CYFIP1: variants seen among roughly 807,000 people sequenced by gnomAD.
CYFIP1 encodes cytoplasmic FMR1 interacting protein 1.
A neutral mutation model predicts 163.5 loss-of-function variants in CYFIP1; 58 were observed. That is an observed-to-expected ratio of 0.35 (90% CI 0.29 to 0.44). The LOEUF (loss-of-function observed/expected upper bound fraction) is 0.44. Ranked by LOEUF, CYFIP1 falls within the 20% of genes least tolerant of loss-of-function variation. CYFIP1 has a pLI of 1.00. For synonymous variants in CYFIP1, 663 were observed against 660.7 expected, an observed-to-expected ratio of 1.00 and a Z score of -0.05; for missense variants, 1,338 against 1,653.8, an observed-to-expected ratio of 0.81 and a Z score of 3.31.
Position 22,945,095 on chromosome 15 carries a change from T to G in CYFIP1, c.208-156A>C, listed in dbSNP as rs74003068. On this transcript the variant is annotated intron_variant, in intron 3 of 30. Transcript: ENST00000617928. ...CTGCCAGAAGCTAGTGACACTGAGG[T>G]GCGGCGCTGGGGGCCACAATGACCA... Among the ~76,000 whole-genome samples the G allele has an allele frequency of 5.2e-3, 786 of 152,128 alleles. 9 individuals carry two copies. Among genetic ancestry groups the G allele is most frequent in the African/African-American group, 0.018 (732 of 41,496 alleles).
chr15:22,920,159 CTTTTTTT>C (rs71117470), intron 13 of CYFIP1, among the ~76,000 whole-genome samples: 5 of 75,520 alleles, frequency 6.6e-5, no homozygotes, highest in African/African-American at 1.1e-4. Flanking sequence ...ATTAAGGCAG[CTTTTTTT>C]TTTTTTTTTT....
In CYFIP1 at chr15:22,924,008, T is replaced by C. The variant is rs372426928; in HGVS notation, c.1359+1974A>G. 7.0e-5 allele frequency among the ~76,000 whole-genome samples: 10 copies of C among 142,400 alleles called. No individual in the cohort carries two copies. The East Asian group carries it at 1.2e-3, about 17-fold the overall frequency. The allele number at this position is 142,400 out of a possible 152,430, so 93.4% of individuals were successfully genotyped here. On this transcript the variant is annotated intron_variant, in intron 13 of 30. Coordinates refer to ENST00000617928, the MANE Select transcript of CYFIP1 (RefSeq NM_014608.6). ...CAGCAACTTCATAGTAGTGAAAAGG[T>C]AGAAATAACCCAAATGTCTATCATC...
At position 22,931,062 on chromosome 15, in the gene CYFIP1, C is replaced by CA. The variant is rs200798596; in HGVS notation, c.1110+1160dup. Among the ~76,000 whole-genome samples, 112 of 152,192 alleles carry CA rather than the reference C, an allele frequency of 7.4e-4. 1 individual carries two copies. In the East Asian group the frequency reaches 0.021, roughly 28 times the overall value. ...CAACATACCTGGACTACTGGGTTGT[C>CA]AGTCAGTTTGGTTACATGATGATGA... On this transcript the variant is annotated intron_variant, in intron 11 of 30. Coordinates refer to ENST00000617928, the MANE Select transcript of CYFIP1 (RefSeq NM_014608.6).
Position 22,875,284 on chromosome 15 carries a change from AAGAG to A in CYFIP1, c.3043-17_3043-14del, listed in dbSNP as rs762234267. The A allele has an allele frequency of 3.3e-5, 54 of 1,613,062 alleles. 1 individual carries two copies. The highest frequency in any genetic ancestry group is 1.6e-4 in the Middle Eastern group (1 of 6,082). On this transcript the variant is annotated splice_polypyrimidine_tract_variant and intron_variant, in intron 26 of 30. Transcript: ENST00000617928. ...CTTCTTCTAAAGACTAGAGCAGAGA[AAGAG>A]AGGGTCAAGCTAGGAAGGGTATCTC...
intron 18 of CYFIP1, among the ~76,000 whole-genome samples, chr15:22,911,642 C>T (rs373216351): frequency 6.6e-6 from 1 of 152,140 alleles, no homozygotes; most frequent in Non-Finnish European, 1.5e-5. Context: ...CCAAGAAGGG[C>T]GTCTCTGCCC....
chr15:22,909,440 A>G, intron 20 of CYFIP1, 127 bp from the exon 21 acceptor site: 2 of 1,148,580 alleles, frequency 1.7e-6, no homozygotes, highest in Non-Finnish European at 2.5e-6. Context: ...ACCACGTTCA[A>G]GACCCATCTC....
chr15:22,953,981 G>A (rs558056043), intron 1 of CYFIP1, among the ~76,000 whole-genome samples: 6 of 152,232 alleles, frequency 3.9e-5, no homozygotes, highest in Non-Finnish European at 5.9e-5. Context: ...GCGTGAACCC[G>A]GGAGGCGGAG....
At chr15:22,921,070 A>G (rs2142134684) in intron 13 of CYFIP1, among the ~76,000 whole-genome samples, 1 of 152,282 alleles carries the variant, frequency 6.6e-6, no homozygotes, top group African/African-American at 2.4e-5. Flanking sequence ...CCAAAATCGA[A>G]GAAAAATAAC....
At chr15:22,927,783 T>C (rs1483873549) in intron 12 of CYFIP1, 123 bp downstream of exon 12, 8 of 949,708 alleles carry the variant, frequency 8.4e-6, no homozygotes, top group East Asian at 6.4e-5. Flanking sequence ...TGGAAACATA[T>C]CTACTGATAG....
At chr15:22,969,794 GA>G (rs1402589015) in intron 1 of CYFIP1, among the ~76,000 whole-genome samples, 1 of 152,122 alleles carries the variant, frequency 6.6e-6, no homozygotes, top group African/African-American at 2.4e-5. Flanking sequence ...CAAGTACGGT[GA>G]AACTAAAAGA....
chr15:22,949,454 A>G (rs2062175370), intron 1 of CYFIP1, among the ~76,000 whole-genome samples: 1 of 152,120 alleles, frequency 6.6e-6, no homozygotes, highest in Non-Finnish European at 1.5e-5. Context: ...GCTGACAGGA[A>G]GGGAGGTGGA....
chr15:22,980,745 G>C (rs1185140072), upstream of CYFIP1, among the ~76,000 whole-genome samples: 1 of 152,094 alleles, frequency 6.6e-6, no homozygotes, highest in Non-Finnish European at 1.5e-5. Flanking sequence ...AGCTCAGGGG[G>C]ACACCCAGGA....
intron 22 of CYFIP1, among the ~76,000 whole-genome samples, chr15:22,897,721 T>C (rs963740652): frequency 6.6e-6 from 1 of 152,104 alleles, no homozygotes; most frequent in African/African-American, 2.4e-5. Flanking sequence ...TGACCTCAAG[T>C]GATTTGCCTG....
At chr15:22,945,767 G>C (rs1014850148) in intron 3 of CYFIP1, among the ~76,000 whole-genome samples, 1 of 149,484 alleles carries the variant, frequency 6.7e-6, no homozygotes, top group Non-Finnish European at 1.5e-5. Context: ...TTTTTTTGTA[G>C]AGACAGGGTT....
At chr15:22,914,515 T>C (rs981443909) in intron 17 of CYFIP1, among the ~76,000 whole-genome samples, 6 of 152,016 alleles carry the variant, frequency 3.9e-5, no homozygotes, top group Non-Finnish European at 8.8e-5. Flanking sequence ...CAGCCACAAA[T>C]TTCTGTGGTA....
intron 26 of CYFIP1, chr15:22,875,472 TAGTA>T: frequency 1.7e-6 from 1 of 596,736 alleles, no homozygotes; most frequent in Admixed American, 2.8e-5. Context: ...CATGCATGCC[TAGTA>T]AGTACTTGGA....
intron 20 of CYFIP1, 63 bp from the exon 21 acceptor site, chr15:22,909,376 CG>C (rs1936671079): frequency 6.3e-7 from 1 of 1,597,472 alleles, no homozygotes; most frequent in Admixed American, 1.7e-5. Flanking sequence ...AAACAACAAA[CG>C]CCTCACCAGA....
At chr15:22,887,765 G>GC (rs1382160420) in intron 23 of CYFIP1, among the ~76,000 whole-genome samples, 2 of 152,186 alleles carry the variant, frequency 1.3e-5, no homozygotes, top group African/African-American at 2.4e-5. Context: ...CTGGGGAAGG[G>GC]CACCGTCACA....
At chr15:22,894,596 A>C (rs1268444459) in intron 22 of CYFIP1, among the ~76,000 whole-genome samples, 1 of 151,492 alleles carries the variant, frequency 6.6e-6, no homozygotes, top group Non-Finnish European at 1.5e-5. Flanking sequence ...GGCCTAGAGG[A>C]GGCTTTACTA....
Sources: allele counts gnomAD v4.1 joint callset (sites outside exome capture counted in the v4.1 genomes callset), GRCh38; gene constraint gnomAD v4.1.1; transcripts MANE v1.5; gene names NCBI Gene and HGNC (gene_info 2026-07-23, HGNC 2026-07-21).